OPRM1: variants seen among roughly 807,000 people sequenced by gnomAD.
OPRM1 encodes the protein opioid receptor mu 1.
Under a neutral mutation model 31.8 loss-of-function variants are expected in OPRM1, and 27 were observed. The observed-to-expected ratio is 0.85, with a 90% CI of 0.63 to 1.17. OPRM1 has a LOEUF of 1.17. Among genes scored for constraint, OPRM1 ranks in the 50% most tolerant of loss-of-function variants. The pLI, the probability that OPRM1 is intolerant of heterozygous loss-of-function variation, is 0.00. For synonymous variants in OPRM1, 196 were observed against 189.9 expected, an observed-to-expected ratio of 1.03 and a Z score of -0.26; for missense variants, 536 against 511.1, an observed-to-expected ratio of 1.05 and a Z score of -0.47.
At chr6:154,181,025 T>C (rs975945904) in intron 3 of OPRM1, among the ~76,000 whole-genome samples, 5 of 152,136 alleles carry the variant, frequency 3.3e-5, no homozygotes, top group African/African-American at 1.2e-4. Context: ...CCTAAAGGTA[T>C]GCAAAACCTT....
At chr6:154,109,792 C>CTCTG (rs1358444421) in intron 3 of OPRM1, among the ~76,000 whole-genome samples, 248 of 101,258 alleles carry the variant, frequency 2.4e-3, no homozygotes, top group African/African-American at 8.6e-3. Context: ...CTCTCTCTCT[C>CTCTG]TGTGTGTGTG....
At chr6:154,058,019 A>G (rs1783661542) in intron 1 of OPRM1, among the ~76,000 whole-genome samples, 1 of 152,268 alleles carries the variant, frequency 6.6e-6, no homozygotes, top group Admixed American at 6.5e-5. Context: ...AAACAAATGC[A>G]TCACATTTCC....
rs1039019522 is a variant in OPRM1 at position 154,039,282 on chromosome 6, C to G, written c.-263C>G. 4 of 1,551,550 alleles carry G rather than the reference C, an allele frequency of 2.6e-6. No individual in the cohort carries two copies. The highest frequency in any genetic ancestry group is 3.5e-6 in the Non-Finnish European group (4 of 1,146,902). On this transcript the variant is annotated 5_prime_UTR_variant, in exon 1 of 4. Coordinates refer to ENST00000330432, the MANE Select transcript of OPRM1 (RefSeq NM_000914.5). ...TCCGAATCCCGCATGGCCCACGCTC[C>G]CCTCCTGCAGCGGTGCGGGGCAGGT...
chr6:154,019,081 C>G (rs1040403055), intron 1 of OPRM1, among the ~76,000 whole-genome samples: 16 of 151,698 alleles, frequency 1.1e-4, no homozygotes, highest in African/African-American at 3.9e-4. Flanking sequence ...CACCCAACCT[C>G]TCGCGCATTT....
rs658156 is a variant in OPRM1 at position 154,120,391 on chromosome 6, A to C, written c.*1670A>C. On this transcript the variant is annotated 3_prime_UTR_variant, in exon 4 of 4. Coordinates refer to ENST00000330432, the MANE Select transcript of OPRM1 (RefSeq NM_000914.5). ...AGTAGATGGGAAAAAACAAAAGCCA[A>C]AATAAGTTTTTTAGTGTTTCCTTCT... 6.6e-6 allele frequency among the ~76,000 whole-genome samples: 1 copy of C among 151,958 alleles called. No homozygotes were observed. Among genetic ancestry groups the C allele is most frequent in the Non-Finnish European group, 1.5e-5 (1 of 67,936 alleles).
intron 3 of OPRM1, among the ~76,000 whole-genome samples, chr6:154,221,986 T>C (rs1445989520): frequency 1.3e-5 from 2 of 152,238 alleles, no homozygotes; most frequent in Non-Finnish European, 2.9e-5. Flanking sequence ...GTGATAGAAA[T>C]AACACTTCAA....
chr6:154,139,013 C>A (rs529150115), intron 3 of OPRM1, among the ~76,000 whole-genome samples: 17 of 152,212 alleles, frequency 1.1e-4, no homozygotes, highest in Non-Finnish European at 2.5e-4. Flanking sequence ...CACCTCCAAG[C>A]CAACCAATCA....
chr6:154,110,958 C>T (rs1293112560), intron 3 of OPRM1, among the ~76,000 whole-genome samples: 2 of 147,404 alleles, frequency 1.4e-5, no homozygotes, highest in African/African-American at 4.9e-5. Context: ...ACCATTCAGA[C>T]TCCAGGGCCA....
intron 3 of OPRM1, among the ~76,000 whole-genome samples, chr6:154,202,570 T>C (rs1245194440): frequency 6.6e-6 from 1 of 152,138 alleles, no homozygotes; most frequent in East Asian, 1.9e-4. Context: ...AAATAAGCTT[T>C]TCCTCTTACT....
intron 3 of OPRM1, among the ~76,000 whole-genome samples, chr6:154,194,369 A>G (rs1261312627): frequency 6.6e-6 from 1 of 152,162 alleles, no homozygotes; most frequent in Non-Finnish European, 1.5e-5. Flanking sequence ...ATTGCACTCC[A>G]GCATGGGCAA....
intron 3 of OPRM1, among the ~76,000 whole-genome samples, chr6:154,173,507 A>G (rs1800047438): frequency 6.6e-6 from 1 of 152,246 alleles, no homozygotes; most frequent in African/African-American, 2.4e-5. Context: ...ACCACAGTAC[A>G]AGAACTTCGT....
Position 154,129,696 on chromosome 6 carries a change from G to A in OPRM1, c.*10975G>A, listed in dbSNP as rs1038341278. ...AACATATTTCTTTAGTTCAAGGTCT[G>A]ATGAGCTCCCAGACTGTTGGGGATT... On this transcript the variant is annotated 3_prime_UTR_variant, in exon 4 of 4. Coordinates refer to ENST00000330432, the MANE Select transcript of OPRM1 (RefSeq NM_000914.5). Among the ~76,000 whole-genome samples the A allele has an allele frequency of 7.9e-5, 12 of 152,098 alleles. No individual in the cohort carries two copies. The highest frequency in any genetic ancestry group is 2.9e-4 in the African/African-American group (12 of 41,412).
At chr6:154,187,127 C>G (rs897263730) in intron 3 of OPRM1, among the ~76,000 whole-genome samples, 3 of 152,152 alleles carry the variant, frequency 2.0e-5, no homozygotes, top group Admixed American at 6.5e-5. Context: ...GCCTGGAAGA[C>G]TCTTCCCCAA....
chr6:154,227,654 C>A lies in OPRM1; in HGVS notation c.1165-19039C>A, dbSNP rs543969880. ...AATCACCTGAGCCCGGAGGTCGAGGCTGTCATGGGTTGTGATCACAACACT... is the reference window on the plus strand; with the variant it reads ...AATCACCTGAGCCCGGAGGTCGAGGATGTCATGGGTTGTGATCACAACACT... On this transcript the variant is annotated intron_variant, in intron 3 of 3. Coordinates refer to the OPRM1 transcript ENST00000337049. Among the ~76,000 whole-genome samples the A allele has an allele frequency of 3.4e-4, 51 of 151,926 alleles. 1 individual carries two copies. Among genetic ancestry groups the A allele is most frequent in the African/African-American group, 1.1e-3 (47 of 41,446 alleles).
At chr6:154,191,712 A>C (rs1413469058) in intron 3 of OPRM1, among the ~76,000 whole-genome samples, 5 of 150,128 alleles carry the variant, frequency 3.3e-5, no homozygotes, top group African/African-American at 1.2e-4. Context: ...ACAACAACAA[A>C]GAGTGAACCC....
chr6:154,130,136 C>G lies in OPRM1; in HGVS notation c.*11415C>G, dbSNP rs1238703357. Among the ~76,000 whole-genome samples, 1 of 150,926 alleles carries G rather than the reference C, an allele frequency of 6.6e-6. No homozygotes were observed. The highest frequency in any genetic ancestry group is 1.5e-5 in the Non-Finnish European group (1 of 67,840). On this transcript the variant is annotated 3_prime_UTR_variant, in exon 4 of 4. Transcript: ENST00000330432. ...AAATTTAAATTATTTTGTCTCTACCCAAACCATCGATTTCATGGAAATGTT... is the reference window on the plus strand; with the variant it reads ...AAATTTAAATTATTTTGTCTCTACCGAAACCATCGATTTCATGGAAATGTT...
chr6:154,113,591 G>A (rs758872405), intron 3 of OPRM1, among the ~76,000 whole-genome samples: 1 of 152,194 alleles, frequency 6.6e-6, no homozygotes, highest in Non-Finnish European at 1.5e-5. Context: ...GTCAGGAGAA[G>A]CACATGAATC....
chr6:154,206,194 A>G (rs1365679297), intron 3 of OPRM1, among the ~76,000 whole-genome samples: 1 of 152,216 alleles, frequency 6.6e-6, no homozygotes, highest in Non-Finnish European at 1.5e-5. Flanking sequence ...CATGAAACAT[A>G]AGCAGCTTGC....
In OPRM1 at chr6:154,119,444, T is replaced by C. The variant is rs1797185980; in HGVS notation, c.*723T>C. On this transcript the variant is annotated 3_prime_UTR_variant, in exon 4 of 4. Coordinates refer to ENST00000330432, the MANE Select transcript of OPRM1 (RefSeq NM_000914.5). ...TGGGGGATTTTTCATTCTTAGGCTT[T>C]CAGTGGTTTGTTCCTCAGTTTTAAA... 1 of 985,432 alleles carries C rather than the reference T, an allele frequency of 1.0e-6. No homozygotes were observed. The highest frequency in any genetic ancestry group is 1.2e-6 in the Non-Finnish European group (1 of 829,928). The allele number at this position is 985,432 out of a possible 1,614,324, so 61.0% of individuals were successfully genotyped here. A position where few individuals can be genotyped will look rare whatever the true frequency, so the allele number is the denominator to read the frequency against.
Sources: allele counts gnomAD v4.1 joint callset (sites outside exome capture counted in the v4.1 genomes callset), GRCh38; gene constraint gnomAD v4.1.1; transcripts MANE v1.5; gene names NCBI Gene and HGNC (gene_info 2026-07-23, HGNC 2026-07-21).